CEP126: variants seen among roughly 807,000 people sequenced by gnomAD.
CEP126 encodes the protein centrosomal protein 126.
CEP126 carries 74 observed loss-of-function variants against 107.8 expected under a neutral mutation model. The ratio of observed to expected loss-of-function variants is 0.69; its 90% CI spans 0.57 to 0.83. The LOEUF (loss-of-function observed/expected upper bound fraction) is 0.83, where lower values mean the gene tolerates loss of function less well. CEP126 is among the 40% of genes least tolerant of loss of function. The pLI, the probability that CEP126 is intolerant of heterozygous loss-of-function variation, is 0.00. For synonymous variants in CEP126, 449 were observed against 446.0 expected (o/e 1.01, Z -0.08); for missense variants, 1,237 against 1,281.9 (o/e 0.96, Z 0.53).
At chr11:101,929,597 C>T (rs576487352) in intron 2 of CEP126, among the ~76,000 whole-genome samples, 30 of 152,308 alleles carry the variant, frequency 2.0e-4, no homozygotes, top group African/African-American at 7.0e-4. Context: ...CTGCAGGCTT[C>T]CTCAGATACC....
chr11:101,941,850 G>A (rs1256625615), intron 2 of CEP126, among the ~76,000 whole-genome samples: 3 of 152,000 alleles, frequency 2.0e-5, no homozygotes, highest in Non-Finnish European at 4.4e-5. Context: ...ATCCTAATCA[G>A]TGTGGTGTGG....
chr11:101,947,651 G>C (rs1419350700), intron 3 of CEP126, among the ~76,000 whole-genome samples: 1 of 152,128 alleles, frequency 6.6e-6, no homozygotes, highest in Admixed American at 6.5e-5. Flanking sequence ...CTATAACTAA[G>C]TGCTCAGGAA....
At chr11:101,985,945 C>T (rs530719630) in intron 8 of CEP126, among the ~76,000 whole-genome samples, 3 of 149,394 alleles carry the variant, frequency 2.0e-5, no homozygotes, top group Admixed American at 6.7e-5. Flanking sequence ...TAATTTCTTA[C>T]GAATTTGTTT....
At chr11:101,979,112 AC>A (rs1941226587) in intron 7 of CEP126, among the ~76,000 whole-genome samples, 2 of 152,128 alleles carry the variant, frequency 1.3e-5, no homozygotes, top group Admixed American at 1.3e-4. Flanking sequence ...AGCCTGGGCA[AC>A]AAGAGCAAGA....
In CEP126 at chr11:101,962,101, A is replaced by G; in HGVS notation, c.1066A>G (p.Thr356Ala). The change falls in exon 6 of 11, where the codon ACA (threonine) becomes GCA (alanine). Residue 356 changes from threonine (T) to alanine (A), a missense_variant. Physicochemically the swap from Thr to Ala is moderately conservative, Grantham distance 58 (BLOSUM62 0). This residue lies in a region of CEP126 where 1,134 missense variants were observed against 1,150.5 expected (regional missense o/e 0.99). Transcript: ENST00000263468. ...KEQNPSPLNGTVERATNTANN... is the reference protein window; with the variant it reads ...KEQNPSPLNGAVERATNTANN... ...ACAAAATCCATCTCCTTTGAATGGAACAGTGGAAAGAGCCACAAATACTGC... is the reference window on the plus strand; with the variant it reads ...ACAAAATCCATCTCCTTTGAATGGAGCAGTGGAAAGAGCCACAAATACTGC... The G allele has an allele frequency of 6.2e-7, 1 of 1,612,576 alleles. No individual in the cohort carries two copies. The highest frequency in any genetic ancestry group is 8.5e-7 in the Non-Finnish European group (1 of 1,179,474).
chr11:101,986,800 G>T (rs1231157082), intron 8 of CEP126, 32 bp from the exon 9 acceptor site: 1 of 1,556,824 alleles, frequency 6.4e-7, no homozygotes, highest in Non-Finnish European at 8.9e-7. Flanking sequence ...GACAAAAGGG[G>T]TTCAAAGAAT....
At chr11:101,946,325 T>G (rs569952491) in intron 3 of CEP126, among the ~76,000 whole-genome samples, 1 of 151,522 alleles carries the variant, frequency 6.6e-6, no homozygotes, top group South Asian at 2.1e-4. Flanking sequence ...CTGGGCAACA[T>G]GATGAAACTC....
At chr11:101,975,413 C>T (rs1426976844) in intron 6 of CEP126, among the ~76,000 whole-genome samples, 1 of 152,106 alleles carries the variant, frequency 6.6e-6, no homozygotes, top group Non-Finnish European at 1.5e-5. Flanking sequence ...TTCTGTGAGA[C>T]ACAATCAATC....
intron 4 of CEP126, 52 bp downstream of exon 4, chr11:101,948,194 T>G: frequency 9.0e-7 from 1 of 1,111,690 alleles, no homozygotes; most frequent in Non-Finnish European, 1.3e-6. Flanking sequence ...TGTATAACCA[T>G]CTAGTTACTG....
intron 2 of CEP126, among the ~76,000 whole-genome samples, chr11:101,933,332 A>G (rs938601851): frequency 6.6e-6 from 1 of 152,160 alleles, no homozygotes; most frequent in Non-Finnish European, 1.5e-5. Flanking sequence ...TTACATGTGG[A>G]AGTTGGAGAT....
chr11:101,969,643 A>G (rs1464482621), intron 6 of CEP126, among the ~76,000 whole-genome samples: 3 of 152,232 alleles, frequency 2.0e-5, no homozygotes, highest in Non-Finnish European at 4.4e-5. Context: ...TAATATTTAT[A>G]TGGAAATGCA....
intron 2 of CEP126, among the ~76,000 whole-genome samples, chr11:101,943,070 T>C (rs1940687426): frequency 2.6e-5 from 4 of 151,468 alleles, no homozygotes; most frequent in Non-Finnish European, 4.4e-5. Context: ...CACTTTTTCC[T>C]TTCCAGTCCG....
intron 2 of CEP126, among the ~76,000 whole-genome samples, chr11:101,940,731 C>T (rs1273919286): frequency 6.6e-6 from 1 of 152,192 alleles, no homozygotes; most frequent in Admixed American, 6.5e-5. Flanking sequence ...TGCTGTCTGT[C>T]CTGTTAGCTA....
chr11:101,956,889 G>T, intron 4 of CEP126: 1 of 367,392 alleles, frequency 2.7e-6, no homozygotes, highest in South Asian at 2.1e-5. Context: ...AGAGAAGAAA[G>T]TGGAGTAGAG....
intron 2 of CEP126, among the ~76,000 whole-genome samples, chr11:101,941,258 G>T (rs2137093715): frequency 6.6e-6 from 1 of 151,948 alleles, no homozygotes; most frequent in African/African-American, 2.4e-5. Flanking sequence ...ACTTCATCTT[G>T]CCCAACTGGA....
At chr11:101,973,886 A>G (rs1456268194) in intron 6 of CEP126, among the ~76,000 whole-genome samples, 2 of 151,722 alleles carry the variant, frequency 1.3e-5, no homozygotes, top group Non-Finnish European at 2.9e-5. Flanking sequence ...GTCATTGCCT[A>G]TTTTTCTATT....
chr11:101,956,583 T>G (rs776133282), intron 4 of CEP126: 2 of 456,380 alleles, frequency 4.4e-6, no homozygotes, highest in South Asian at 3.1e-5. Context: ...TGTATACTGT[T>G]TTCTTCCTCC....
chr11:101,919,770 C>T (rs61916019), intron 1 of CEP126, among the ~76,000 whole-genome samples: 7 of 152,128 alleles, frequency 4.6e-5, no homozygotes, highest in Non-Finnish European at 8.8e-5. Context: ...TTTATGCTGT[C>T]GTGATGAGAC....
At chr11:101,945,146 T>C (rs1258321425) in intron 3 of CEP126, among the ~76,000 whole-genome samples, 4 of 151,962 alleles carry the variant, frequency 2.6e-5, no homozygotes, top group Admixed American at 1.3e-4. Flanking sequence ...GGTAGCAGAG[T>C]GTGTAAAGTG....
Sources: gnomAD v4.1 joint callset for allele counts (sites outside exome capture counted in the v4.1 genomes callset) on GRCh38, gnomAD v4.1.1 for gene constraint, gnomAD v4.1.1 regional missense constraint, MANE v1.5 for transcripts, NCBI Gene and HGNC (gene_info 2026-07-23, HGNC 2026-07-21) for gene names.